Variants in EML4 observed in about 807,000 individuals in gnomAD.
The protein encoded by EML4 is echinoderm microtubule-associated protein-like 4.
In EML4, 72 loss-of-function variants were observed where a neutral mutation model predicts 129.0. The ratio of observed to expected loss-of-function variants is 0.56; its 90% confidence interval spans 0.46 to 0.68. The LOEUF (loss-of-function observed/expected upper bound fraction) is 0.68, where lower values mean the gene tolerates loss of function less well. Ranked by LOEUF, EML4 falls within the 30% of genes least tolerant of loss-of-function variation. EML4 has a pLI of 0.00. For synonymous variants in EML4, 532 were observed against 405.0 expected (o/e 1.31, Z -3.77); for missense variants, 1,363 against 1,190.6 (o/e 1.14, Z -2.13).
chr2:42,331,095 A>G lies in EML4; in HGVS notation c.*888A>G, dbSNP rs1346643306. 2 of 218,150 alleles carry G rather than the reference A, an allele frequency of 9.2e-6. No homozygotes were observed. The highest frequency in any genetic ancestry group is 1.8e-5 in the Non-Finnish European group (2 of 108,394). 13.5% of individuals were successfully genotyped at this position (218,150 alleles called of 1,614,324 possible). A position where few individuals can be genotyped will look rare whatever the true frequency, so the allele number is the denominator to read the frequency against. On this transcript the variant is annotated 3_prime_UTR_variant, in exon 23 of 23. Coordinates refer to ENST00000318522, the MANE Select transcript of EML4 (RefSeq NM_019063.5). The stretch of plus-strand genomic sequence containing the variant: ...CCTGGCTAATTTCAGCTAAGCCTTC[A>G]TCATAATTTGTTCCCTCAGTAATAG...
At position 42,303,199 on chromosome 2, in the gene EML4, A is replaced by G; in HGVS notation, c.1737A>G (p.Thr579=). ...CACGAAACTTTATTTTACGAGGAACATTTAATGATGGCTTCCAAATAGAAG... is the reference window on the plus strand; with the variant it reads ...CACGAAACTTTATTTTACGAGGAACGTTTAATGATGGCTTCCAAATAGAAG... ...GTSRNFILRG[T]FNDGFQIEVQ... The change falls in exon 15 of 23, where the codon ACA becomes ACG. Residue 579 remains threonine (T), a synonymous_variant. Coordinates refer to ENST00000318522, the MANE Select transcript of EML4 (RefSeq NM_019063.5). 6.2e-7 allele frequency: 1 copy of G among 1,614,220 alleles called. No individual in the cohort carries two copies. The highest frequency in any genetic ancestry group is 8.5e-7 in the Non-Finnish European group (1 of 1,180,030).
chr2:42,189,540 A>G (rs142361786), intron 1 of EML4, among the ~76,000 whole-genome samples: 41 of 152,328 alleles, frequency 2.7e-4, no homozygotes, highest in African/African-American at 8.7e-4. Context: ...TGATCTTGCT[A>G]CTGCACTCCA....
At chr2:42,224,502 G>T (rs1407833800) in intron 1 of EML4, among the ~76,000 whole-genome samples, 2 of 152,084 alleles carry the variant, frequency 1.3e-5, no homozygotes, top group Non-Finnish European at 2.9e-5. Context: ...GAACAATGCT[G>T]CTATAAACAG....
intron 1 of EML4, among the ~76,000 whole-genome samples, chr2:42,194,428 T>C (rs1671783216): frequency 1.3e-5 from 2 of 151,942 alleles, no homozygotes; most frequent in South Asian, 2.1e-4. Flanking sequence ...GAAAATATTT[T>C]GTGAATATTT....
chr2:42,295,035 T>C (rs1572707080), intron 11 of EML4, 90 bp from the exon 12 acceptor site: 2 of 1,185,640 alleles, frequency 1.7e-6, no homozygotes, highest in Non-Finnish European at 2.3e-6. Flanking sequence ...AATCTTGCCC[T>C]ATCGTTAATT....
intron 13 of EML4, among the ~76,000 whole-genome samples, chr2:42,300,851 C>T (rs1172383475): frequency 1.3e-5 from 2 of 152,082 alleles, no homozygotes; most frequent in Non-Finnish European, 2.9e-5. Context: ...TGCTCCTGTA[C>T]CTCTTGTGTC....
chr2:42,280,480 T>G (rs556137687), intron 6 of EML4, among the ~76,000 whole-genome samples: 1 of 152,258 alleles, frequency 6.6e-6, no homozygotes, highest in African/African-American at 2.4e-5. Flanking sequence ...AAAAATTGTC[T>G]GTTATACTGA....
At chr2:42,256,377 A>G (rs1170146993) in intron 2 of EML4, 124 bp from the exon 3 acceptor site, 3 of 892,202 alleles carry the variant, frequency 3.4e-6, no homozygotes, top group African/African-American at 1.7e-5. Context: ...CAAGAGTTAT[A>G]AACAATAATA....
intron 20 of EML4, 70 bp downstream of exon 20, chr2:42,325,624 A>ATATG (rs1669766541): frequency 8.8e-6 from 1 of 114,074 alleles, no homozygotes; most frequent in African/African-American, 7.6e-5. Context: ...ATATATATAT[A>ATATG]TATATATATA....
At chr2:42,210,098 C>T (rs775198685) in intron 1 of EML4, among the ~76,000 whole-genome samples, 3 of 152,044 alleles carry the variant, frequency 2.0e-5, no homozygotes, top group Non-Finnish European at 4.4e-5. Context: ...AATTTAAAAC[C>T]CAATAACACA....
intron 22 of EML4, 64 bp downstream of exon 22, chr2:42,329,080 A>T: frequency 6.6e-7 from 1 of 1,513,488 alleles, no homozygotes; most frequent in Non-Finnish European, 9.0e-7. Flanking sequence ...TTTTGCATCC[A>T]TAGCAAGAAA....
chr2:42,201,678 A>G (rs1174533271), intron 1 of EML4, among the ~76,000 whole-genome samples: 1 of 152,224 alleles, frequency 6.6e-6, no homozygotes, highest in Non-Finnish European at 1.5e-5. Context: ...TTTGCACAAC[A>G]TGGATGAACC....
At chr2:42,203,423 A>AT (rs1194639927) in intron 1 of EML4, among the ~76,000 whole-genome samples, 1 of 152,194 alleles carries the variant, frequency 6.6e-6, no homozygotes, top group Admixed American at 6.5e-5. Flanking sequence ...ACTTGAATAA[A>AT]TTTGGTTTGT....
chr2:42,282,400 G>C (rs756541112), intron 7 of EML4, among the ~76,000 whole-genome samples: 1 of 151,190 alleles, frequency 6.6e-6, no homozygotes, highest in African/African-American at 2.4e-5. Flanking sequence ...GTGGAGGGGT[G>C]GGGGTGGGCG....
intron 1 of EML4, among the ~76,000 whole-genome samples, chr2:42,171,298 A>G (rs1036772626): frequency 1.3e-5 from 2 of 152,188 alleles, no homozygotes; most frequent in African/African-American, 4.8e-5. Flanking sequence ...GAGCTGTGCT[A>G]TCTTTATACT....
chr2:42,296,701 TG>T (rs1333337457), intron 13 of EML4, among the ~76,000 whole-genome samples: 2 of 152,322 alleles, frequency 1.3e-5, no homozygotes, highest in East Asian at 1.9e-4. Flanking sequence ...ATCTTAACTT[TG>T]GGTGTCAATG....
At chr2:42,325,411 C>A in intron 19 of EML4, 56 bp from the exon 20 acceptor site, 1 of 805,512 alleles carries the variant, frequency 1.2e-6, no homozygotes, top group Non-Finnish European at 2.1e-6. Context: ...AGCTGTTGAA[C>A]TGTTTATCAT....
chr2:42,309,541 C>G (rs1045725225), intron 17 of EML4, among the ~76,000 whole-genome samples: 2 of 151,676 alleles, frequency 1.3e-5, no homozygotes, highest in Non-Finnish European at 2.9e-5. Context: ...TTCAGTTTCT[C>G]CACATCCTTG....
intron 17 of EML4, among the ~76,000 whole-genome samples, chr2:42,312,603 G>T (rs571265378): frequency 2.0e-5 from 3 of 151,546 alleles, no homozygotes; most frequent in Non-Finnish European, 4.4e-5. Flanking sequence ...GCCCAGGCTG[G>T]AGTGCAGTGG....
Sources: gnomAD v4.1 joint callset for allele counts (sites outside exome capture counted in the v4.1 genomes callset) on GRCh38, gnomAD v4.1.1 for gene constraint, MANE v1.5 for transcripts, NCBI Gene and HGNC (gene_info 2026-07-23, HGNC 2026-07-21) for gene names.